The following ABTB3 variants were observed in gnomAD, a reference collection of about 807,000 sequenced individuals.
The protein encoded by ABTB3 is ankyrin repeat- and BTB/POZ domain-containing protein 3.
the ABTB3 span, among the ~76,000 whole-genome samples, chr12:107,360,930 A>AT: frequency 2.0e-3 from 165 of 84,436 alleles, 2 homozygotes; most frequent in East Asian, 0.024. Flanking sequence ...ATTTAATTTA[A>AT]TTTTTTTTTT....
the ABTB3 span, among the ~76,000 whole-genome samples, chr12:107,502,485 G>A: frequency 6.6e-6 from 1 of 152,094 alleles, no homozygotes; most frequent in African/African-American, 2.4e-5. Context: ...CAAAATGTGG[G>A]TATTAGAATG....
the ABTB3 span, among the ~76,000 whole-genome samples, chr12:107,579,199 A>G: frequency 6.6e-6 from 1 of 152,232 alleles, no homozygotes; most frequent in Non-Finnish European, 1.5e-5. Flanking sequence ...CCTTACAGAC[A>G]GGAGGCTCAG....
the ABTB3 span, among the ~76,000 whole-genome samples, chr12:107,410,329 G>A: frequency 2.6e-5 from 4 of 152,134 alleles, no homozygotes; most frequent in Non-Finnish European, 5.9e-5. Context: ...GCTGTGTGGT[G>A]TGTTTAGGAG....
At chr12:107,578,137 T>G in the ABTB3 span, among the ~76,000 whole-genome samples, 35 of 152,290 alleles carry the variant, frequency 2.3e-4, no homozygotes, top group Admixed American at 5.9e-4. Flanking sequence ...AATGCTATTT[T>G]TTCCCCTCTG....
the ABTB3 span, among the ~76,000 whole-genome samples, chr12:107,367,632 A>G: frequency 6.6e-6 from 1 of 152,054 alleles, no homozygotes; most frequent in Non-Finnish European, 1.5e-5. Flanking sequence ...TCAGCCTCCG[A>G]GTAGCTGGGA....
the ABTB3 span, among the ~76,000 whole-genome samples, chr12:107,562,245 T>C: frequency 2.0e-5 from 3 of 152,190 alleles, no homozygotes; most frequent in African/African-American, 7.2e-5. Context: ...AATGCATAAA[T>C]AATACAAATA....
At chr12:107,504,492 A>T in the ABTB3 span, among the ~76,000 whole-genome samples, 1 of 152,248 alleles carries the variant, frequency 6.6e-6, no homozygotes, top group Non-Finnish European at 1.5e-5. Context: ...TCAAATAAAT[A>T]ATAAGTCTAT....
chr12:107,513,919 C>G, the ABTB3 span, among the ~76,000 whole-genome samples: 2 of 152,186 alleles, frequency 1.3e-5, no homozygotes, highest in Admixed American at 1.3e-4. Flanking sequence ...TTGTCTGTCT[C>G]CAGTTGCACA....
chr12:107,470,395 C>T, the ABTB3 span, among the ~76,000 whole-genome samples: 2 of 152,082 alleles, frequency 1.3e-5, no homozygotes, highest in African/African-American at 2.4e-5. Context: ...TATTTAGTTC[C>T]TTCCTCTCAA....
At chr12:107,558,947 T>A in the ABTB3 span, among the ~76,000 whole-genome samples, 1 of 152,048 alleles carries the variant, frequency 6.6e-6, no homozygotes, top group Non-Finnish European at 1.5e-5. Context: ...CCACCCCCCG[T>A]GGGGCCCCAT....
the ABTB3 span, among the ~76,000 whole-genome samples, chr12:107,459,895 G>A: frequency 2.0e-4 from 30 of 152,334 alleles, no homozygotes; most frequent in African/African-American, 7.0e-4. Context: ...CTCCCGCCCT[G>A]CAGACAGAAC....
chr12:107,353,315 G>T, the ABTB3 span, among the ~76,000 whole-genome samples: 1 of 152,168 alleles, frequency 6.6e-6, no homozygotes, highest in African/African-American at 2.4e-5. Context: ...CTCACTAGTG[G>T]GGTGGTAATA....
At chr12:107,355,809 A>G in the ABTB3 span, among the ~76,000 whole-genome samples, 1 of 152,276 alleles carries the variant, frequency 6.6e-6, no homozygotes, top group South Asian at 2.1e-4. Flanking sequence ...CAGCAGTGCA[A>G]CTTTAAACAA....
At chr12:107,473,346 G>T in the ABTB3 span, among the ~76,000 whole-genome samples, 1 of 151,960 alleles carries the variant, frequency 6.6e-6, no homozygotes, top group African/African-American at 2.4e-5. Flanking sequence ...CCACAGCATG[G>T]ATTCATTTCA....
chr12:107,626,565 G>A, the ABTB3 span, among the ~76,000 whole-genome samples: 1 of 151,922 alleles, frequency 6.6e-6, no homozygotes, highest in Non-Finnish European at 1.5e-5. Context: ...AGCCAGGATA[G>A]TCTCGATCTC....
At chr12:107,348,547 AC>A in the ABTB3 span, among the ~76,000 whole-genome samples, 1 of 152,128 alleles carries the variant, frequency 6.6e-6, no homozygotes, top group Non-Finnish European at 1.5e-5. Flanking sequence ...ACATAGTGAG[AC>A]CCTATCTCTA....
the ABTB3 span, among the ~76,000 whole-genome samples, chr12:107,552,814 C>T: frequency 6.6e-6 from 1 of 152,308 alleles, no homozygotes; most frequent in Admixed American, 6.5e-5. Flanking sequence ...TAAGTTCATA[C>T]TTCAAGATCC....
chr12:107,599,995 A>G, the ABTB3 span, among the ~76,000 whole-genome samples: 2 of 152,184 alleles, frequency 1.3e-5, no homozygotes, highest in Non-Finnish European at 2.9e-5. Flanking sequence ...ATTCACCCAC[A>G]AACACAGGTC....
At chr12:107,346,369 C>G in the ABTB3 span, among the ~76,000 whole-genome samples, 1 of 152,166 alleles carries the variant, frequency 6.6e-6, no homozygotes, top group African/African-American at 2.4e-5. Flanking sequence ...GAAATGGCCC[C>G]TTGTGATGGT....
Sources: allele counts gnomAD v4.1 joint callset (sites outside exome capture counted in the v4.1 genomes callset), GRCh38; gene constraint gnomAD v4.1.1; transcripts MANE v1.5; gene names NCBI Gene and HGNC (gene_info 2026-07-23, HGNC 2026-07-21).